Variants in LAMA2 observed in about 807,000 individuals in gnomAD.
The protein encoded by LAMA2 is laminin subunit alpha-2.
Under a neutral mutation model 364.8 loss-of-function variants are expected in LAMA2, and 269 were observed. That is an observed-to-expected ratio of 0.74 (90% confidence interval 0.67 to 0.82). The LOEUF is 0.82. Ranked by LOEUF, LAMA2 falls within the 40% of genes least tolerant of loss-of-function variation. LAMA2 has a pLI of 0.00. For missense variants in LAMA2, 3,807 were observed against 3,873.2 expected (o/e 0.98, Z 0.45); for synonymous variants, 1,379 against 1,370.6 (o/e 1.01, Z -0.14).
chr6:129,041,861 C>T (rs1582923971), intron 1 of LAMA2, among the ~76,000 whole-genome samples: 2 of 152,016 alleles, frequency 1.3e-5, no homozygotes, highest in African/African-American at 2.4e-5. Context: ...AAGGCCAGCA[C>T]GGTGCTGCAT....
intron 12 of LAMA2, among the ~76,000 whole-genome samples, chr6:129,238,340 T>C (rs186637493): frequency 4.6e-5 from 7 of 152,322 alleles, no homozygotes; most frequent in Admixed American, 3.9e-4. Flanking sequence ...ACATGAAGAA[T>C]GGGTTCTGTG....
intron 22 of LAMA2, among the ~76,000 whole-genome samples, chr6:129,307,903 C>T (rs547898875): frequency 6.6e-6 from 1 of 152,242 alleles, no homozygotes; most frequent in African/African-American, 2.4e-5. Context: ...ACGTGATGAC[C>T]AAGTGTGGTC....
chr6:129,167,825 G>C (rs1419689171), intron 9 of LAMA2, among the ~76,000 whole-genome samples: 15 of 151,288 alleles, frequency 9.9e-5, no homozygotes, highest in African/African-American at 3.4e-4. Flanking sequence ...TCCAGCACCT[G>C]TTGTTTCCTG....
chr6:129,118,504 T>C (rs150033241), intron 4 of LAMA2, among the ~76,000 whole-genome samples: 28 of 152,322 alleles, frequency 1.8e-4, no homozygotes, highest in African/African-American at 5.5e-4. Flanking sequence ...TCTGAAAATG[T>C]GCCATATTTA....
At chr6:129,283,065 A>G (rs1214605769) in intron 18 of LAMA2, among the ~76,000 whole-genome samples, 1 of 152,144 alleles carries the variant, frequency 6.6e-6, no homozygotes, top group Non-Finnish European at 1.5e-5. Flanking sequence ...CTTGGAAAAC[A>G]TTCACTTAGG....
chr6:129,226,127 G>A (rs1474579585), intron 12 of LAMA2, among the ~76,000 whole-genome samples: 1 of 152,116 alleles, frequency 6.6e-6, no homozygotes. Flanking sequence ...TTGGTTTAAT[G>A]TCTGTTTTAT....
intron 2 of LAMA2, among the ~76,000 whole-genome samples, chr6:129,059,402 T>C (rs765122901): frequency 2.0e-4 from 30 of 152,356 alleles, no homozygotes; most frequent in Non-Finnish European, 3.1e-4. Flanking sequence ...GTTGATGGCA[T>C]ACTAGAGCTG....
intron 10 of LAMA2, among the ~76,000 whole-genome samples, chr6:129,183,020 ATT>A (rs528527862): frequency 3.0e-4 from 46 of 152,052 alleles, no homozygotes; most frequent in African/African-American, 1.0e-3. Flanking sequence ...TACACATAAG[ATT>A]TTCTCTTCAA....
At position 129,416,254 on chromosome 6, in the gene LAMA2, T is replaced by C. The variant is rs969071255; in HGVS notation, c.5866-11498T>C. Among the ~76,000 whole-genome samples, 48 of 152,070 alleles carry C rather than the reference T, an allele frequency of 3.2e-4. 6 individuals are homozygous for C. Among genetic ancestry groups the C allele is most frequent in the Non-Finnish European group, 6.5e-4 (44 of 67,992 alleles). On this transcript the variant is annotated intron_variant, in intron 40 of 64. Coordinates refer to ENST00000421865, the MANE Select transcript of LAMA2 (RefSeq NM_000426.4). ...CGCGCCCGGCCGAAATTATACACTT[T>C]CTTTGATCAACTTCTTTTTACTCCG...
intron 1 of LAMA2, among the ~76,000 whole-genome samples, chr6:128,992,237 A>G (rs984738844): frequency 1.2e-4 from 19 of 152,360 alleles, no homozygotes; most frequent in African/African-American, 4.3e-4. Context: ...CCCAGTATCA[A>G]CTTCACAATG....
intron 18 of LAMA2, among the ~76,000 whole-genome samples, chr6:129,284,532 G>A (rs1195995634): frequency 6.6e-6 from 1 of 151,964 alleles, no homozygotes; most frequent in African/African-American, 2.4e-5. Flanking sequence ...TTTTTAATGG[G>A]TTGGGAGAAA....
intron 40 of LAMA2, among the ~76,000 whole-genome samples, chr6:129,404,449 A>G (rs946157712): frequency 6.6e-6 from 1 of 152,218 alleles, no homozygotes; most frequent in Non-Finnish European, 1.5e-5. Context: ...TTTTTGAATT[A>G]AAAAGCTCTT....
chr6:128,933,292 T>C (rs1779611428), intron 1 of LAMA2, among the ~76,000 whole-genome samples: 1 of 151,718 alleles, frequency 6.6e-6, no homozygotes, highest in Non-Finnish European at 1.5e-5. Flanking sequence ...GTGTGTATAC[T>C]ATATTTACTT....
intron 1 of LAMA2, among the ~76,000 whole-genome samples, chr6:128,987,155 T>TA (rs1783309182): frequency 7.0e-6 from 1 of 143,730 alleles, no homozygotes; most frequent in African/African-American, 2.6e-5. Context: ...TTTTTTTTTT[T>TA]TGAGGCAGAG....
intron 1 of LAMA2, among the ~76,000 whole-genome samples, chr6:128,888,840 GT>G (rs752108685): frequency 1.3e-5 from 2 of 152,108 alleles, no homozygotes; most frequent in African/African-American, 4.8e-5. Flanking sequence ...AAAATCACAG[GT>G]TTTTTTGTCT....
intron 44 of LAMA2, among the ~76,000 whole-genome samples, chr6:129,444,880 G>A (rs1419604327): frequency 6.6e-6 from 1 of 152,204 alleles, no homozygotes; most frequent in Non-Finnish European, 1.5e-5. Context: ...CAGCATCCCA[G>A]CAATAGAATA....
At chr6:129,054,550 CAGACAGGG>C (rs2114784547) in intron 2 of LAMA2, among the ~76,000 whole-genome samples, 1 of 151,602 alleles carries the variant, frequency 6.6e-6, no homozygotes, top group African/African-American at 2.4e-5. Context: ...ATGGACTGTG[CAGACAGGG>C]AGAATTAGAG....
At chr6:128,961,318 G>GATAGAT (rs1257743658) in intron 1 of LAMA2, among the ~76,000 whole-genome samples, 4 of 57,804 alleles carry the variant, frequency 6.9e-5, no homozygotes, top group Admixed American at 2.1e-4. Flanking sequence ...GAACTAATAT[G>GATAGAT]ATATATATAT....
chr6:129,205,132 G>A (rs1439703875), intron 12 of LAMA2, among the ~76,000 whole-genome samples: 1 of 152,066 alleles, frequency 6.6e-6, no homozygotes, highest in Non-Finnish European at 1.5e-5. Context: ...GCTCATGCCT[G>A]TAATCCCAGC....
Sources: gnomAD v4.1 joint callset for allele counts (sites outside exome capture counted in the v4.1 genomes callset) on GRCh38, gnomAD v4.1.1 for gene constraint, MANE v1.5 for transcripts, NCBI Gene and HGNC (gene_info 2026-07-23, HGNC 2026-07-21) for gene names.